TMEM230: variants seen among roughly 807,000 people sequenced by gnomAD.
TMEM230 encodes the protein transmembrane protein 230, also known as UPF0414 transmembrane protein C20orf30.
In TMEM230, 10 loss-of-function variants were observed where a neutral mutation model predicts 15.8. The observed-to-expected ratio is 0.63, with a 90% CI of 0.39 to 1.07. TMEM230 has a LOEUF of 1.07. Among genes scored for constraint, TMEM230 ranks in the 50% least tolerant of loss-of-function variants. The pLI is 0.01. For missense variants in TMEM230, 165 were observed against 193.3 expected, an observed-to-expected ratio of 0.85 and a Z score of 0.87; for synonymous variants, 67 against 76.9, an observed-to-expected ratio of 0.87 and a Z score of 0.68.
intron 2 of TMEM230, chr20:5,111,174 CCT>C (rs1006459654): frequency 6.9e-6 from 1 of 144,722 alleles, no homozygotes; most frequent in African/African-American, 2.6e-5. Context: ...AGAATGAGAC[CCT>C]GAGTCAAAAA....
At chr20:5,096,441 A>G (rs556688006), downstream of TMEM230, among the ~76,000 whole-genome samples, 11 of 152,312 alleles carry the variant, frequency 7.2e-5, no homozygotes, top group African/African-American at 2.4e-4. Flanking sequence ...TGAATCTAGG[A>G]GAGAAGCCTC....
At chr20:5,081,873 C>CTTTTTTTT (rs10547417) in intron 3 of TMEM230, among the ~76,000 whole-genome samples, 2 of 43,832 alleles carry the variant, frequency 4.6e-5, no homozygotes, top group Non-Finnish European at 1.3e-4. Context: ...TCTTTTTTTT[C>CTTTTTTTT]TTTTTTTTTT....
chr20:5,079,256 G>A (rs1026192342), intron 3 of TMEM230, among the ~76,000 whole-genome samples: 6 of 152,054 alleles, frequency 3.9e-5, no homozygotes, highest in African/African-American at 1.2e-4. Context: ...TCTGAGTAGC[G>A]GGACTACAGG....
At chr20:5,064,101 T>C (rs1312772586), downstream of TMEM230, among the ~76,000 whole-genome samples, 1 of 151,750 alleles carries the variant, frequency 6.6e-6, no homozygotes, top group Non-Finnish European at 1.5e-5. Context: ...ACCCTGTCTC[T>C]ACTAAAAATA....
chr20:5,071,007 C>A (rs1041934822), intron 3 of TMEM230, among the ~76,000 whole-genome samples: 1 of 152,120 alleles, frequency 6.6e-6, no homozygotes, highest in Non-Finnish European at 1.5e-5. Context: ...TTTACTTGTT[C>A]ATTTTTCCTT....
intron 2 of TMEM230, chr20:5,111,217 C>T (rs1198837350): frequency 2.7e-5 from 4 of 149,574 alleles, no homozygotes; most frequent in African/African-American, 7.4e-5. Context: ...TTTAATTTGT[C>T]CACTTTTCCT....
At chr20:5,077,715 T>C (rs2089047240) in intron 3 of TMEM230, among the ~76,000 whole-genome samples, 1 of 151,966 alleles carries the variant, frequency 6.6e-6, no homozygotes, top group Admixed American at 6.6e-5. Context: ...GCGCCTGTAG[T>C]CCCAGCTACT....
intron 2 of TMEM230, among the ~76,000 whole-genome samples, chr20:5,110,689 G>C (rs774658148): frequency 2.0e-5 from 3 of 152,030 alleles, no homozygotes; most frequent in Non-Finnish European, 4.4e-5. Flanking sequence ...AATTACTTCT[G>C]TACCAACCTT....
At chr20:5,112,265 T>G (rs140141893) in intron 1 of TMEM230, among the ~76,000 whole-genome samples, 1 of 152,358 alleles carries the variant, frequency 6.6e-6, no homozygotes, top group Non-Finnish European at 1.5e-5. Flanking sequence ...TATTTAAAAA[T>G]TAGCATAATG....
At chr20:5,091,059 C>T (rs947111562) in intron 3 of TMEM230, among the ~76,000 whole-genome samples, 2 of 151,996 alleles carry the variant, frequency 1.3e-5, no homozygotes, top group Admixed American at 6.6e-5. Flanking sequence ...AGTGCAGTGG[C>T]GAGATCATGG....
At chr20:5,073,520 C>T (rs952679080) in intron 3 of TMEM230, among the ~76,000 whole-genome samples, 9 of 152,188 alleles carry the variant, frequency 5.9e-5, no homozygotes, top group Non-Finnish European at 1.0e-4. Context: ...CTGGCTGAGG[C>T]CTGGCACCAG....
intron 2 of TMEM230, among the ~76,000 whole-genome samples, chr20:5,110,891 G>A (rs2090285058): frequency 1.3e-5 from 2 of 152,154 alleles, no homozygotes. Context: ...AAGACCATTT[G>A]TATTAATAGG....
At chr20:5,112,548 G>A (rs1328426009) in intron 1 of TMEM230, among the ~76,000 whole-genome samples, 1 of 152,200 alleles carries the variant, frequency 6.6e-6, no homozygotes, top group Non-Finnish European at 1.5e-5. Context: ...TGGCAAAGAG[G>A]ATTCTAAAAG....
At chr20:5,069,821 TGCCTCAGCCACCCAG>T (rs557781203) in intron 3 of TMEM230, among the ~76,000 whole-genome samples, 1 of 152,258 alleles carries the variant, frequency 6.6e-6, no homozygotes, top group African/African-American at 2.4e-5. Flanking sequence ...GTGATTCTTG[TGCCTCAGCCACCCAG>T]GTGGCTGGGA....
exon 4 of TMEM230, chr20:5,069,212 T>C: frequency 6.5e-7 from 1 of 1,535,524 alleles, no homozygotes; most frequent in Middle Eastern, 1.7e-4. Flanking sequence ...ACACCTGTGT[T>C]CCTCTTCCTT....
downstream of TMEM230, among the ~76,000 whole-genome samples, chr20:5,098,040 C>T (rs1166862414): frequency 2.4e-5 from 3 of 123,512 alleles, no homozygotes; most frequent in Non-Finnish European, 4.7e-5. Flanking sequence ...TGCAGTGGTG[C>T]GATCTTGGCT....
the TMEM230 span, among the ~76,000 whole-genome samples, chr20:5,061,611 G>A: frequency 2.6e-5 from 4 of 152,064 alleles, no homozygotes; most frequent in South Asian, 2.1e-4. Flanking sequence ...TTTTCCAAGC[G>A]CTTATCTATG....
chr20:5,083,330 A>G (rs2089239594), intron 3 of TMEM230, among the ~76,000 whole-genome samples: 1 of 149,498 alleles, frequency 6.7e-6, no homozygotes, highest in African/African-American at 2.5e-5. Context: ...GGTTTAATAG[A>G]AGAAAGAGAA....
At chr20:5,095,624 G>A (rs559075211), downstream of TMEM230, among the ~76,000 whole-genome samples, 1 of 152,290 alleles carries the variant, frequency 6.6e-6, no homozygotes, top group South Asian at 2.1e-4. Context: ...GGCACTGCCT[G>A]AGGAGGTCCA....
Sources: gnomAD v4.1 joint callset for allele counts (sites outside exome capture counted in the v4.1 genomes callset) on GRCh38, gnomAD v4.1.1 for gene constraint, MANE v1.5 for transcripts, NCBI Gene and HGNC (gene_info 2026-07-23, HGNC 2026-07-21) for gene names.